Variants in CDKAL1 observed in about 807,000 individuals in gnomAD.
CDKAL1 encodes the protein CDKAL1 threonylcarbamoyladenosine tRNA methylthiotransferase, also known as threonylcarbamoyladenosine tRNA methylthiotransferase.
CDKAL1 carries 32 observed loss-of-function variants against 68.2 expected under a neutral mutation model. That is an observed-to-expected ratio of 0.47 (90% CI 0.35 to 0.63). The LOEUF (loss-of-function observed/expected upper bound fraction) is 0.63, where lower values mean the gene tolerates loss of function less well. Among genes scored for constraint, CDKAL1 ranks in the 30% least tolerant of loss-of-function variants. The pLI is 0.00. For synonymous variants in CDKAL1, 234 were observed against 244.3 expected (o/e 0.96, Z 0.39); for missense variants, 606 against 696.7 (o/e 0.87, Z 1.47).
At chr6:20,714,060 A>G (rs1771970350) in intron 5 of CDKAL1, among the ~76,000 whole-genome samples, 1 of 152,128 alleles carries the variant, frequency 6.6e-6, no homozygotes, top group African/African-American at 2.4e-5. Context: ...ATAGACTTAT[A>G]CTTAAGAAAT....
chr6:21,224,959 A>G (rs975276332), intron 15 of CDKAL1, among the ~76,000 whole-genome samples: 2 of 152,210 alleles, frequency 1.3e-5, no homozygotes, highest in African/African-American at 4.8e-5. Flanking sequence ...ATTTGCTCCT[A>G]TATAAAATGT....
intron 4 of CDKAL1, among the ~76,000 whole-genome samples, chr6:20,609,233 C>T (rs186721392): frequency 3.1e-5 from 4 of 131,022 alleles, no homozygotes; most frequent in Non-Finnish European, 6.5e-5. Flanking sequence ...TTCTTTCTTC[C>T]TTCTTCCTTC....
intron 11 of CDKAL1, among the ~76,000 whole-genome samples, chr6:21,033,385 T>C (rs1453591436): frequency 2.0e-5 from 3 of 152,086 alleles, no homozygotes; most frequent in East Asian, 3.9e-4. Context: ...ATGGAACAGA[T>C]GAGTTAATGT....
chr6:20,934,196 C>G (rs998575684), intron 9 of CDKAL1, among the ~76,000 whole-genome samples: 5 of 152,096 alleles, frequency 3.3e-5, no homozygotes, highest in African/African-American at 1.2e-4. Flanking sequence ...AAGGGCATTT[C>G]TAGAATCAGG....
intron 9 of CDKAL1, among the ~76,000 whole-genome samples, chr6:20,861,393 G>GTGTGC: frequency 6.6e-6 from 1 of 152,344 alleles, no homozygotes; most frequent in South Asian, 2.1e-4. Flanking sequence ...CAGAGGCCAT[G>GTGTGC]TGTGCCATGG....
chr6:20,937,016 C>T (rs950022883), intron 9 of CDKAL1, among the ~76,000 whole-genome samples: 4 of 152,108 alleles, frequency 2.6e-5, no homozygotes, highest in African/African-American at 7.2e-5. Flanking sequence ...TATAAAAATC[C>T]CAGAGTTACA....
At chr6:21,028,022 G>A (rs980823764) in intron 11 of CDKAL1, among the ~76,000 whole-genome samples, 1 of 152,134 alleles carries the variant, frequency 6.6e-6, no homozygotes, top group African/African-American at 2.4e-5. Context: ...AGGAACTGAG[G>A]AGGAGTCAGA....
intron 8 of CDKAL1, among the ~76,000 whole-genome samples, chr6:20,799,545 TTTGAC>T (rs1349861390): frequency 6.6e-6 from 1 of 152,186 alleles, no homozygotes; most frequent in Non-Finnish European, 1.5e-5. Context: ...TATGTCGTGA[TTTGAC>T]TTATTATATA....
At chr6:20,600,049 G>A (rs931406949) in intron 4 of CDKAL1, among the ~76,000 whole-genome samples, 3 of 152,128 alleles carry the variant, frequency 2.0e-5, no homozygotes, top group African/African-American at 7.2e-5. Context: ...TTGGTACTTA[G>A]ATAGTTTAGG....
intron 5 of CDKAL1, among the ~76,000 whole-genome samples, chr6:20,720,671 T>G (rs1562051757): frequency 6.6e-6 from 1 of 152,144 alleles, no homozygotes; most frequent in Non-Finnish European, 1.5e-5. Flanking sequence ...GGCTAATTTT[T>G]GTATTTTTAG....
intron 4 of CDKAL1, among the ~76,000 whole-genome samples, chr6:20,572,593 A>G (rs1764749171): frequency 6.6e-6 from 1 of 152,084 alleles, no homozygotes; most frequent in African/African-American, 2.4e-5. Context: ...CTTATACTTT[A>G]TTTATCATAT....
In CDKAL1 at chr6:21,140,458, T is replaced by C. The variant is rs1309453809; in HGVS notation, c.1299+31995T>C. Among the ~76,000 whole-genome samples, 3 of 152,326 alleles carry C rather than the reference T, an allele frequency of 2.0e-5. No individual in the cohort carries two copies. The East Asian group carries it at 5.8e-4, about 29-fold the overall frequency. ...ACCTGCCTTGGGCATCCCTTTATGA[T>C]AAAACTTTAATTCAGTCAAACTGGT... On this transcript the variant is annotated intron_variant, in intron 13 of 15. Coordinates refer to ENST00000274695, the MANE Select transcript of CDKAL1 (RefSeq NM_017774.3).
At chr6:20,671,925 A>G (rs1769835878) in intron 5 of CDKAL1, among the ~76,000 whole-genome samples, 1 of 152,090 alleles carries the variant, frequency 6.6e-6, no homozygotes, top group African/African-American at 2.4e-5. Flanking sequence ...ACTATTTACT[A>G]AAAATTTAGT....
chr6:21,174,835 G>A (rs1262595189), intron 13 of CDKAL1, among the ~76,000 whole-genome samples: 1 of 152,044 alleles, frequency 6.6e-6, no homozygotes, highest in African/African-American at 2.4e-5. Flanking sequence ...AAAGAGATAT[G>A]CGTTATTGTT....
At chr6:20,773,517 T>C (rs1775032630) in intron 7 of CDKAL1, among the ~76,000 whole-genome samples, 1 of 152,212 alleles carries the variant, frequency 6.6e-6, no homozygotes, top group African/African-American at 2.4e-5. Flanking sequence ...AGAATTGATA[T>C]GTACGGTACA....
chr6:21,109,347 G>C (rs1353201377), intron 13 of CDKAL1, among the ~76,000 whole-genome samples: 4 of 152,162 alleles, frequency 2.6e-5, no homozygotes, highest in Admixed American at 2.0e-4. Context: ...ATGTGGTAGG[G>C]ATTTTTTAAC....
intron 11 of CDKAL1, among the ~76,000 whole-genome samples, chr6:21,045,572 T>C (rs937135909): frequency 1.3e-5 from 2 of 152,346 alleles, no homozygotes; most frequent in East Asian, 1.9e-4. Context: ...TATCTCCTTG[T>C]TGGCTGCTAG....
Position 20,649,391 on chromosome 6 carries a change from G to T in CDKAL1, c.371+14G>T. ...AAACTCAATTAAGTAAGTAGAAATT[G>T]ATTTTTTCCTATTTTGTATAATCAA... On this transcript the variant is annotated intron_variant, in intron 5 of 15. Transcript: ENST00000274695. 1 of 1,456,208 alleles carries T rather than the reference G, an allele frequency of 6.9e-7. No homozygotes were observed. The highest frequency in any genetic ancestry group is 9.5e-7 in the Non-Finnish European group (1 of 1,052,106). 90.2% of individuals were successfully genotyped at this position (1,456,208 alleles called of 1,614,324 possible). A position where few individuals can be genotyped will look rare whatever the true frequency, so the allele number is the denominator to read the frequency against.
At chr6:20,865,796 G>T (rs1759877415) in intron 9 of CDKAL1, among the ~76,000 whole-genome samples, 1 of 152,086 alleles carries the variant, frequency 6.6e-6, no homozygotes, top group Admixed American at 6.6e-5. Flanking sequence ...TTGAGACTTG[G>T]GATCCATGAA....
Sources: gnomAD v4.1 joint callset for allele counts (sites outside exome capture counted in the v4.1 genomes callset) on GRCh38, gnomAD v4.1.1 for gene constraint, MANE v1.5 for transcripts, NCBI Gene and HGNC (gene_info 2026-07-23, HGNC 2026-07-21) for gene names.